LRIG2: variants seen among roughly 807,000 people sequenced by gnomAD.
The protein encoded by LRIG2 is leucine rich repeats and immunoglobulin like domains 2.
A neutral mutation model predicts 107.8 loss-of-function variants in LRIG2; 93 were observed. The observed-to-expected ratio is 0.86, with a 90% CI of 0.73 to 1.03. The LOEUF is 1.03. LRIG2 is among the 50% of genes least tolerant of loss of function. The pLI is 0.00. For missense variants in LRIG2, 1,226 were observed against 1,296.0 expected (o/e 0.95, Z 0.83); for synonymous variants, 471 against 470.6 (o/e 1.00, Z -0.01).
At chr1:113,096,404 ATTTTT>A (rs760323257) in intron 8 of LRIG2, 39 bp downstream of exon 8, 1 of 1,586,178 alleles carries the variant, frequency 6.3e-7, no homozygotes, top group South Asian at 1.2e-5. Context: ...GTTGTTACTG[ATTTTT>A]TTAGTACAAT....
At chr1:113,106,103 C>T (rs1399046470) in intron 11 of LRIG2, among the ~76,000 whole-genome samples, 3 of 152,100 alleles carry the variant, frequency 2.0e-5, no homozygotes, top group Non-Finnish European at 2.9e-5. Flanking sequence ...TGGCACGCAC[C>T]TGTAGTCCCA....
intron 14 of LRIG2, among the ~76,000 whole-genome samples, chr1:113,113,930 C>T (rs925862530): frequency 1.3e-5 from 2 of 152,034 alleles, no homozygotes; most frequent in African/African-American, 4.8e-5. Context: ...AGACTTTCCC[C>T]TCTCACTTTT....
At position 113,093,463 on chromosome 1, in the gene LRIG2, G is replaced by A. The variant is rs1260868439; in HGVS notation, c.414G>A (p.Gln138=). 1 of 1,613,622 alleles carries A rather than the reference G, an allele frequency of 6.2e-7. No individual in the cohort carries two copies. Among genetic ancestry groups the A allele is most frequent in the East Asian group, 2.2e-5 (1 of 44,852 alleles). ...ATATAATCCCAGAAATAAATGCACA[G>A]GCACTCCAGTTTTACCCTGCTCTGG... The part of the protein sequence containing the change: ...VHNIIPEINA[Q]ALQFYPALES... The change falls in exon 4 of 18, where the codon CAG becomes CAA. Residue 138 remains glutamine, a synonymous_variant. Coordinates refer to ENST00000361127, the MANE Select transcript of LRIG2 (RefSeq NM_014813.3).
intron 1 of LRIG2, 63 bp from the exon 2 acceptor site, chr1:113,091,254 CT>C: frequency 1.1e-4 from 123 of 1,078,324 alleles, no homozygotes; most frequent in Middle Eastern, 3.0e-4. Context: ...TATTTAGTTT[CT>C]TTTTTTTTCT....
rs1269435055 is a variant in LRIG2, at chr1:113,093,122, A to G, written c.306-84A>G. The G allele has an allele frequency of 3.7e-6, 3 of 814,744 alleles. No homozygotes were observed. In the Admixed American group the frequency reaches 8.8e-5, roughly 24 times the overall value. 50.5% of individuals were successfully genotyped at this position (814,744 alleles called of 1,614,324 possible). Reference sequence around the variant, plus strand: ...TTTTCAAATTTGGCACCTATTCTAAAGAATATGTGTTAGCCAGAAGGTAGA... The same window carrying G: ...TTTTCAAATTTGGCACCTATTCTAAGGAATATGTGTTAGCCAGAAGGTAGA... On this transcript the variant is annotated intron_variant, in intron 2 of 17. Coordinates refer to ENST00000361127, the MANE Select transcript of LRIG2 (RefSeq NM_014813.3).
In LRIG2 at chr1:113,124,113, G is replaced by C. The variant is rs773635499; in HGVS notation, c.*12G>C. 1.1e-5 allele frequency: 17 copies of C among 1,609,086 alleles called. No homozygotes were observed. In the East Asian group the frequency reaches 3.1e-4, roughly 30 times the overall value. On this transcript the variant is annotated 3_prime_UTR_variant, in exon 18 of 18. Coordinates refer to ENST00000361127, the MANE Select transcript of LRIG2 (RefSeq NM_014813.3). ...GTGAGGGCACATGAAACTCACTTCA[G>C]GATGAAATCTGGGCAGAGACTTATT...
chr1:113,084,213 CTTTTTTT>C lies in LRIG2; in HGVS notation c.240-7093_240-7087del, dbSNP rs66711679. Among the ~76,000 whole-genome samples the C allele has an allele frequency of 3.0e-3, 366 of 120,900 alleles. 1 individual carries two copies. The highest frequency in any genetic ancestry group is 9.8e-3 in the African/African-American group (318 of 32,390). 79.3% of individuals were successfully genotyped at this position (120,900 alleles called of 152,430 possible). On this transcript the variant is annotated intron_variant, in intron 1 of 17. Transcript: ENST00000361127. ...GAGGAAATCTGTGCTTTACTTAATTCTTTTTTTTTTTTTTTTTTCTGAGACAGAGTCT... is the reference window on the plus strand; with the variant it reads ...GAGGAAATCTGTGCTTTACTTAATTCTTTTTTTTTTTCTGAGACAGAGTCT...
At chr1:113,101,406 CA>C (rs1164477840) in intron 11 of LRIG2, among the ~76,000 whole-genome samples, 1 of 152,170 alleles carries the variant, frequency 6.6e-6, no homozygotes, top group Non-Finnish European at 1.5e-5. Context: ...AATATGCAGT[CA>C]GGGGTAAGAA....
chr1:113,094,250 G>A (rs1053005339), intron 4 of LRIG2, 89 bp from the exon 5 acceptor site: 4 of 862,924 alleles, frequency 4.6e-6, no homozygotes, highest in Non-Finnish European at 5.3e-6. Flanking sequence ...TAGAGCTGGG[G>A]GCTTAGACAT....
intron 17 of LRIG2, among the ~76,000 whole-genome samples, chr1:113,120,316 G>T (rs1297534202): frequency 1.3e-5 from 2 of 151,570 alleles, no homozygotes; most frequent in Non-Finnish European, 2.9e-5. Flanking sequence ...CTAACATGGT[G>T]GTGCATGCCT....
At chr1:113,122,694 G>T (rs1465965188) in intron 17 of LRIG2, among the ~76,000 whole-genome samples, 1 of 152,134 alleles carries the variant, frequency 6.6e-6, no homozygotes, top group Non-Finnish European at 1.5e-5. Flanking sequence ...GGGTATCCTA[G>T]CTTCTTCTTA....
At chr1:113,096,101 G>A (rs1385381698) in intron 7 of LRIG2, 84 bp downstream of exon 7, 2 of 1,584,892 alleles carry the variant, frequency 1.3e-6, no homozygotes, top group Non-Finnish European at 1.7e-6. Context: ...GTAATGAGAT[G>A]TAACATCCCT....
At chr1:113,098,018 A>ATAT (rs1654141414) in intron 8 of LRIG2, among the ~76,000 whole-genome samples, 1 of 152,226 alleles carries the variant, frequency 6.6e-6, no homozygotes, top group Admixed American at 6.5e-5. Context: ...TTATGAGATG[A>ATAT]CTTAAGGAAG....
chr1:113,124,149 G>T lies in LRIG2; in HGVS notation c.*48G>T. On this transcript the variant is annotated 3_prime_UTR_variant, in exon 18 of 18. Coordinates refer to ENST00000361127, the MANE Select transcript of LRIG2 (RefSeq NM_014813.3). Reference sequence around the variant, plus strand: ...GGGCAGAGACTTATTAATTAATTTTGCATTTACTACCTCAGAGCTCAGAAG... The same window carrying T: ...GGGCAGAGACTTATTAATTAATTTTTCATTTACTACCTCAGAGCTCAGAAG... 1 of 1,523,724 alleles carries T rather than the reference G, an allele frequency of 6.6e-7. No homozygotes were observed. Among genetic ancestry groups the T allele is most frequent in the Non-Finnish European group, 9.1e-7 (1 of 1,101,340 alleles). 94.4% of individuals were successfully genotyped at this position (1,523,724 alleles called of 1,614,324 possible). A position where few individuals can be genotyped will look rare whatever the true frequency, so the allele number is the denominator to read the frequency against.
chr1:113,121,707 C>T (rs367929025), intron 17 of LRIG2, among the ~76,000 whole-genome samples: 1 of 150,924 alleles, frequency 6.6e-6, no homozygotes, highest in African/African-American at 2.4e-5. Context: ...TGAGTGATTG[C>T]ACTCCAGCCT....
chr1:113,124,256 C>T lies in LRIG2; in HGVS notation c.*155C>T. 1.5e-6 allele frequency: 1 copy of T among 648,132 alleles called. No homozygotes were observed. Among genetic ancestry groups the T allele is most frequent in the South Asian group, 1.9e-5 (1 of 51,412 alleles). The allele number at this position is 648,132 out of a possible 1,614,324, so 40.1% of individuals were successfully genotyped here. On this transcript the variant is annotated 3_prime_UTR_variant, in exon 18 of 18. Transcript: ENST00000361127. ...CAAGGTGGGCCATGCGTTGTTTGGTCTTATACCTGATGAAGAAATGGCAAC... is the reference window on the plus strand; with the variant it reads ...CAAGGTGGGCCATGCGTTGTTTGGTTTTATACCTGATGAAGAAATGGCAAC...
At position 113,116,412 on chromosome 1, in the gene LRIG2, G is replaced by T; in HGVS notation, c.2656G>T (p.Gly886Ter). 1 of 1,607,350 alleles carries T rather than the reference G, an allele frequency of 6.2e-7. No homozygotes were observed. Among genetic ancestry groups the T allele is most frequent in the South Asian group, 1.1e-5 (1 of 90,382 alleles). ...TCAGCAACTTATGCCTCCTGCCAAT[G>T]GATATATACACAAAGGCACTGACGG... ...SHQQLMPPAN[G>*]YIHKGTDGGT... The change falls in exon 16 of 18, where the codon GGA becomes TGA. Residue 886 changes from glycine (G) to a stop codon, truncating the protein, a stop_gained. Transcript: ENST00000361127. LOFTEE classifies it high-confidence loss of function.
At position 113,114,523 on chromosome 1, in the gene LRIG2, G is replaced by A. The variant is rs774407744; in HGVS notation, c.2177G>A (p.Arg726His). 1.7e-5 allele frequency: 27 copies of A among 1,613,684 alleles called. No homozygotes were observed. The highest frequency in any genetic ancestry group is 1.6e-4 in the Middle Eastern group (1 of 6,084). ...QCIAGGSPAP[R>H]LNWTKDDGPL... The stretch of plus-strand genomic sequence containing the variant: ...ATAGCTGGAGGGAGTCCTGCCCCTC[G>A]TCTCAACTGGACTAAAGATGATGGG... The change falls in exon 15 of 18, where the codon CGT becomes CAT. Residue 726 changes from arginine (R) to histidine (H), a missense_variant. Arg to His is a conservative substitution (Grantham distance 29). Around this residue, in one of 3 missense-constraint regions of LRIG2, gnomAD observed 642 missense variants for 712.2 expected, o/e 0.90. Coordinates refer to ENST00000361127, the MANE Select transcript of LRIG2 (RefSeq NM_014813.3).
At chr1:113,075,223 AG>A (rs1652919602) in intron 1 of LRIG2, among the ~76,000 whole-genome samples, 1 of 152,054 alleles carries the variant, frequency 6.6e-6, no homozygotes, top group African/African-American at 2.4e-5. Flanking sequence ...AAAAAAAAAA[AG>A]AGTCATCACT....
Sources: allele counts gnomAD v4.1 joint callset (sites outside exome capture counted in the v4.1 genomes callset), GRCh38; gene constraint gnomAD v4.1.1; regional missense constraint gnomAD v4.1.1; transcripts MANE v1.5; gene names NCBI Gene and HGNC (gene_info 2026-07-23, HGNC 2026-07-21).